B3GALT5: variants seen among roughly 807,000 people sequenced by gnomAD.
The protein encoded by B3GALT5 is UDP-Gal:betaGlcNAc beta 1,3-galactosyltransferase, polypeptide 5.
For missense variants in B3GALT5, 328 were observed against 396.6 expected (o/e 0.83, Z 1.47); for synonymous variants, 156 against 158.6 (o/e 0.98, Z 0.12).
intron 1 of B3GALT5, among the ~76,000 whole-genome samples, chr21:39,629,585 TTA>T (rs992345378): frequency 1.3e-5 from 2 of 152,222 alleles, no homozygotes; most frequent in Non-Finnish European, 2.9e-5. Flanking sequence ...CTTTGAGAGC[TTA>T]GTCTTTTTCT....
In B3GALT5 at chr21:39,661,653, G is replaced by A. The variant is rs1044899129; in HGVS notation, c.*161G>A. On this transcript the variant is annotated 3_prime_UTR_variant, in exon 4 of 4. Transcript: ENST00000684187. This position sits in a 1 kb window ranked among gnomAD's most constrained non-coding sequence, Gnocchi z 4.7. The stretch of plus-strand genomic sequence containing the variant: ...GAAGTCACTGATTAGTTCCCACTTG[G>A]TGCCCCAGGCAATAATAGGCCCGTC... 3.0e-6 allele frequency: 2 copies of A among 657,178 alleles called. No individual in the cohort carries two copies. Among genetic ancestry groups the A allele is most frequent in the African/African-American group, 3.7e-5 (2 of 54,706 alleles). The allele number at this position is 657,178 out of a possible 1,614,324, so 40.7% of individuals were successfully genotyped here.
At chr21:39,645,432 T>G (rs1469363423) in intron 1 of B3GALT5, among the ~76,000 whole-genome samples, 1 of 152,210 alleles carries the variant, frequency 6.6e-6, no homozygotes, top group African/African-American at 2.4e-5. Context: ...TTTTCTTAAG[T>G]TCTTCCTTAT....
chr21:39,638,722 G>A (rs1335904507), intron 1 of B3GALT5, among the ~76,000 whole-genome samples: 1 of 152,166 alleles, frequency 6.6e-6, no homozygotes, highest in Non-Finnish European at 1.5e-5. Flanking sequence ...GCCCACTGGG[G>A]CCGCAGCAGT....
chr21:39,631,817 C>G (rs999866107), intron 1 of B3GALT5, among the ~76,000 whole-genome samples: 2 of 152,068 alleles, frequency 1.3e-5, no homozygotes, highest in African/African-American at 4.8e-5. Context: ...GTGCTGGTAC[C>G]AAGAAAGGGG....
At chr21:39,624,805 T>TA (rs978803239) in intron 1 of B3GALT5, among the ~76,000 whole-genome samples, 48 of 143,620 alleles carry the variant, frequency 3.3e-4, no homozygotes, top group Admixed American at 3.5e-4. Context: ...TCAGTTTACC[T>TA]AAAAAAAAAA....
At chr21:39,619,472 G>A (rs1228890027) in intron 1 of B3GALT5, among the ~76,000 whole-genome samples, 2 of 152,086 alleles carry the variant, frequency 1.3e-5, no homozygotes, top group Non-Finnish European at 2.9e-5. Context: ...TCCGTCCATA[G>A]CATTGGTTTA....
rs999534587 is a variant in B3GALT5 at position 39,663,058 on chromosome 21, A to C, written c.*1566A>C. On this transcript the variant is annotated 3_prime_UTR_variant, in exon 4 of 4. Transcript: ENST00000684187. ...GCTCTGAACGCACTGGGTCATGTTC[A>C]GAAAAGCCTCCTTCTCAGGTGGAAA... 1.3e-5 allele frequency: 2 copies of C among 152,238 alleles called. No individual in the cohort carries two copies. Among genetic ancestry groups the C allele is most frequent in the African/African-American group, 4.8e-5 (2 of 41,468 alleles). 9.4% of individuals were successfully genotyped at this position (152,238 alleles called of 1,614,324 possible).
rs2079461791 is a variant in B3GALT5, at chr21:39,657,732, T to C, written c.-160-2021T>C. On this transcript the variant is annotated intron_variant, in intron 2 of 3. Coordinates refer to ENST00000684187, the MANE Select transcript of B3GALT5 (RefSeq NM_001356336.2). ...ACCTGCCTATCTATCTTTTGATTAA[T>C]CTACCTATCAATCTTTCTATCTATC... 5 of 619,708 alleles carry C rather than the reference T, an allele frequency of 8.1e-6. 1 individual carries two copies. The South Asian group carries it at 4.3e-4, about 53-fold the overall frequency. 38.4% of individuals were successfully genotyped at this position (619,708 alleles called of 1,614,324 possible). A position where few individuals can be genotyped will look rare whatever the true frequency, so the allele number is the denominator to read the frequency against.
intron 2 of B3GALT5, among the ~76,000 whole-genome samples, chr21:39,649,632 G>A (rs186022744): frequency 3.3e-5 from 5 of 149,682 alleles, no homozygotes; most frequent in Admixed American, 6.7e-5. Flanking sequence ...CTCAGTGGGT[G>A]GAAAGTTACT....
chr21:39,614,887 G>A (rs548299848), intron 1 of B3GALT5, among the ~76,000 whole-genome samples: 1 of 152,300 alleles, frequency 6.6e-6, no homozygotes, highest in African/African-American at 2.4e-5. Flanking sequence ...CCTGAATCCT[G>A]GTTACAGTGA....
At chr21:39,648,874 G>A (rs1474952067) in intron 2 of B3GALT5, among the ~76,000 whole-genome samples, 1 of 152,174 alleles carries the variant, frequency 6.6e-6, no homozygotes, top group Non-Finnish European at 1.5e-5. Context: ...CTGCCGTTGT[G>A]GGGACACAAC....
chr21:39,635,516 T>C (rs1279534639), intron 1 of B3GALT5, among the ~76,000 whole-genome samples: 1 of 152,202 alleles, frequency 6.6e-6, no homozygotes, highest in East Asian at 1.9e-4. Context: ...TTTGCTCTTG[T>C]TGCCCAGGCT....
intron 1 of B3GALT5, among the ~76,000 whole-genome samples, chr21:39,627,135 A>G (rs1340140573): frequency 2.0e-5 from 3 of 152,168 alleles, no homozygotes; most frequent in Non-Finnish European, 1.5e-5. Context: ...TTTTAGCCAC[A>G]GTAGCTTGGC....
In B3GALT5 at chr21:39,651,789, A is replaced by C. The variant is rs12481888; in HGVS notation, c.-161+5167A>C. ...AAGTTAAGGCAGTTTTTTTTATCAG[A>C]TCTAGAGCTGGAAATCATTGTTAAA... On this transcript the variant is annotated intron_variant, in intron 2 of 3. Transcript: ENST00000684187. Among the ~76,000 whole-genome samples the C allele has an allele frequency of 1.4e-3, 219 of 152,132 alleles. 1 individual carries two copies. The highest frequency in any genetic ancestry group is 2.5e-3 in the Non-Finnish European group (169 of 67,988).
chr21:39,623,325 T>A (rs1450279191), intron 1 of B3GALT5, among the ~76,000 whole-genome samples: 1 of 150,682 alleles, frequency 6.6e-6, no homozygotes, highest in Non-Finnish European at 1.5e-5. Flanking sequence ...TTTCCTATAT[T>A]TTTGGATGTT....
At chr21:39,627,446 A>G (rs888796229) in intron 1 of B3GALT5, among the ~76,000 whole-genome samples, 1 of 152,242 alleles carries the variant, frequency 6.6e-6, no homozygotes, top group Non-Finnish European at 1.5e-5. Flanking sequence ...GGGAAATCAC[A>G]TGAAAAGTAC....
intron 1 of B3GALT5, among the ~76,000 whole-genome samples, chr21:39,620,610 C>T (rs989078696): frequency 6.6e-6 from 1 of 152,142 alleles, no homozygotes; most frequent in Non-Finnish European, 1.5e-5. Context: ...GGGATGTGTG[C>T]TGAGACATTG....
chr21:39,652,993 A>C (rs2079409716), intron 2 of B3GALT5, among the ~76,000 whole-genome samples: 1 of 152,206 alleles, frequency 6.6e-6, no homozygotes, highest in Admixed American at 6.5e-5. Context: ...AAGTGTGCAA[A>C]TCTTCGCTAC....
At chr21:39,630,934 GA>G (rs574321719) in intron 1 of B3GALT5, among the ~76,000 whole-genome samples, 9 of 151,974 alleles carry the variant, frequency 5.9e-5, no homozygotes, top group Middle Eastern at 3.4e-3. Context: ...AAATTATATG[GA>G]AAAAAAATTT....
Sources: gnomAD v4.1 joint callset for allele counts (sites outside exome capture counted in the v4.1 genomes callset) on GRCh38, gnomAD v4.1.1 for gene constraint, Gnocchi (gnomAD v3.1) non-coding constraint, MANE v1.5 for transcripts, NCBI Gene and HGNC (gene_info 2026-07-23, HGNC 2026-07-21) for gene names.